The following AGPAT5 variants were observed in gnomAD, a reference collection of about 807,000 sequenced individuals.
AGPAT5 encodes the protein 1-acyl-sn-glycerol-3-phosphate acyltransferase epsilon.
A neutral mutation model predicts 45.6 loss-of-function variants in AGPAT5; 46 were observed. The observed-to-expected ratio is 1.01, with a 90% CI of 0.80 to 1.29. The LOEUF is 1.29. Ranked by LOEUF, AGPAT5 falls within the 50% of genes most tolerant of loss-of-function variation. AGPAT5 has a pLI of 0.00. For missense variants in AGPAT5, 673 were observed against 450.7 expected, an observed-to-expected ratio of 1.49 and a Z score of -4.47; for synonymous variants, 272 against 167.0, an observed-to-expected ratio of 1.63 and a Z score of -4.85.
intron 1 of AGPAT5, among the ~76,000 whole-genome samples, chr8:6,716,049 C>G (rs1481992059): frequency 2.0e-5 from 3 of 152,162 alleles, no homozygotes; most frequent in Admixed American, 1.3e-4. Flanking sequence ...CCGCTCCTCT[C>G]TGGAATTCCA....
At chr8:6,756,609 CAAAAAAAA>C (rs11300826) in intron 7 of AGPAT5, among the ~76,000 whole-genome samples, 2 of 122,922 alleles carry the variant, frequency 1.6e-5, no homozygotes, top group Non-Finnish European at 3.5e-5. Flanking sequence ...TGCCTTTTTT[CAAAAAAAA>C]AAAAAAAAAA....
chr8:6,712,538 T>G (rs926909723), intron 1 of AGPAT5, among the ~76,000 whole-genome samples: 5 of 152,178 alleles, frequency 3.3e-5, no homozygotes, highest in African/African-American at 1.2e-4. Flanking sequence ...TGTGGAATGC[T>G]TAGAGACTCA....
Position 6,730,718 on chromosome 8 carries a change from G to T in AGPAT5, c.297G>T (p.Trp99Cys). 6.2e-7 allele frequency: 1 copy of T among 1,612,776 alleles called. No individual in the cohort carries two copies. ...YLANHQSTVD[W>C]IVADILAIRQ... ...TGGGTCCTGTCTCTGCAGTTGACTG[G>T]ATTGTTGCTGACATCTTGGCCATCA... is the stretch of plus-strand genomic sequence containing the variant. Residue 99 changes from tryptophan to cysteine, a missense_variant, in exon 3 of 8, where the codon TGG becomes TGT. Physicochemically the swap from Trp to Cys is radical, Grantham distance 215. Transcript: ENST00000285518.
chr8:6,729,334 T>C (rs1800787719), intron 2 of AGPAT5, among the ~76,000 whole-genome samples: 1 of 135,706 alleles, frequency 7.4e-6, no homozygotes, highest in Admixed American at 8.3e-5. Context: ...TCAGCTTTTA[T>C]TTTCTACAGA....
intron 1 of AGPAT5, among the ~76,000 whole-genome samples, chr8:6,711,736 G>A (rs1365724923): frequency 6.6e-6 from 1 of 152,166 alleles, no homozygotes; most frequent in Non-Finnish European, 1.5e-5. Flanking sequence ...GCCCTAGGGG[G>A]AATCCGTTCT....
intron 1 of AGPAT5, among the ~76,000 whole-genome samples, chr8:6,723,447 C>T (rs978676413): frequency 2.6e-5 from 4 of 152,096 alleles, no homozygotes; most frequent in Admixed American, 1.3e-4. Context: ...CTGCCCCTAC[C>T]GACCCCGCCC....
intron 1 of AGPAT5, among the ~76,000 whole-genome samples, chr8:6,721,940 G>C (rs893478975): frequency 7.2e-5 from 11 of 152,074 alleles, no homozygotes; most frequent in African/African-American, 2.4e-4. Context: ...CGATTCTTCT[G>C]CTTGAGATTC....
intron 4 of AGPAT5, among the ~76,000 whole-genome samples, chr8:6,734,452 G>GT (rs1563294318): frequency 6.6e-6 from 1 of 151,906 alleles, no homozygotes; most frequent in African/African-American, 2.4e-5. Flanking sequence ...CTTTGACCCT[G>GT]TTTCATAGTT....
chr8:6,754,355 A>G lies in AGPAT5; in HGVS notation c.746-696A>G, dbSNP rs554324311. 3.3e-5 allele frequency among the ~76,000 whole-genome samples: 5 copies of G among 152,334 alleles called. No homozygotes were observed. The East Asian group carries it at 9.6e-4, about 29-fold the overall frequency. On this transcript the variant is annotated intron_variant, in intron 6 of 7. Transcript: ENST00000285518. ...TAATTTTGGTTCTTTTACCAATTATATAATATGTTAAAATATGGCAAGTAT... is the reference window on the plus strand; with the variant it reads ...TAATTTTGGTTCTTTTACCAATTATGTAATATGTTAAAATATGGCAAGTAT...
rs951455720 is a variant in AGPAT5 at position 6,725,508 on chromosome 8, T to G, written c.289+569T>G. Among the ~76,000 whole-genome samples the G allele has an allele frequency of 2.0e-5, 3 of 152,200 alleles. No individual in the cohort carries two copies. In the South Asian group the frequency reaches 6.2e-4, roughly 31 times the overall value. ...AAGATACTTCTAAAAACCTTTGTAT[T>G]TTGAGGTAATTCTAGAGTCCCAAGA... On this transcript the variant is annotated intron_variant, in intron 2 of 7. Coordinates refer to ENST00000285518, the MANE Select transcript of AGPAT5 (RefSeq NM_018361.5).
In AGPAT5 at chr8:6,708,877, C is replaced by T. The variant is rs1800032761; in HGVS notation, c.209C>T (p.Thr70Ile). The T allele has an allele frequency of 1.9e-6, 3 of 1,605,330 alleles. No individual in the cohort carries two copies. Among genetic ancestry groups the T allele is most frequent in the Non-Finnish European group, 2.5e-6 (3 of 1,176,580 alleles). Residue 70 changes from threonine to isoleucine, a missense_variant, in exon 1 of 8, where the codon ACC becomes ATC. Thr to Ile is a moderately conservative substitution (Grantham distance 89). Transcript: ENST00000285518. The part of the protein sequence containing the change: ...SMVLFFFENY[T>I]GVQILLYGDL... The stretch of plus-strand genomic sequence containing the variant: ...GTGCTCTTCTTCTTCGAGAATTACA[C>T]CGGGGTCCAGGTGAGCCGCCTCCCG...
At chr8:6,735,427 C>G (rs1443880319) in intron 4 of AGPAT5, among the ~76,000 whole-genome samples, 1 of 152,204 alleles carries the variant, frequency 6.6e-6, no homozygotes, top group African/African-American at 2.4e-5. Context: ...AAATGTGCTG[C>G]ATTCTCCTTG....
At chr8:6,727,793 T>C (rs1800737197) in intron 2 of AGPAT5, among the ~76,000 whole-genome samples, 1 of 152,208 alleles carries the variant, frequency 6.6e-6, no homozygotes, top group South Asian at 2.1e-4. Context: ...GGATGGACTT[T>C]GGAGTTAGAG....
At chr8:6,713,210 T>C (rs942833728) in intron 1 of AGPAT5, among the ~76,000 whole-genome samples, 2 of 152,226 alleles carry the variant, frequency 1.3e-5, no homozygotes, top group Non-Finnish European at 2.9e-5. Context: ...CCTCAGGTGA[T>C]CCTTCTGCCT....
chr8:6,726,280 G>A (rs151045272), intron 2 of AGPAT5, among the ~76,000 whole-genome samples: 27 of 152,294 alleles, frequency 1.8e-4, no homozygotes, highest in Non-Finnish European at 2.9e-4. Context: ...CAAACAAAAG[G>A]GATCTGTGGG....
chr8:6,741,640 A>C lies in AGPAT5; in HGVS notation c.496-21A>C, dbSNP rs144815183. ...AACAAAGCTCACACAAAATAAACCA[A>C]ATTTGCTCTATGTCCCACAGATGTA... On this transcript the variant is annotated intron_variant, in intron 4 of 7. Transcript: ENST00000285518. 1.5e-5 allele frequency: 24 copies of C among 1,554,872 alleles called. No individual in the cohort carries two copies. The African/African-American group carries it at 2.8e-4, about 18-fold the overall frequency.
chr8:6,716,731 G>T (rs1800344094), intron 1 of AGPAT5, among the ~76,000 whole-genome samples: 1 of 152,166 alleles, frequency 6.6e-6, no homozygotes, highest in African/African-American at 2.4e-5. Context: ...TACATGGGAG[G>T]CTGAGGCAGG....
intron 1 of AGPAT5, among the ~76,000 whole-genome samples, chr8:6,724,039 C>A (rs1800595030): frequency 6.6e-6 from 1 of 152,114 alleles, no homozygotes; most frequent in South Asian, 2.1e-4. Context: ...AAGTATACTC[C>A]CAGTTTCTTG....
At chr8:6,745,616 C>G (rs1031486702) in intron 5 of AGPAT5, 1 of 152,120 alleles carries the variant, frequency 6.6e-6, no homozygotes, top group Non-Finnish European at 1.5e-5. Context: ...ATATCACCTC[C>G]TCTTCCTTTA....
Sources: allele counts gnomAD v4.1 joint callset (sites outside exome capture counted in the v4.1 genomes callset), GRCh38; gene constraint gnomAD v4.1.1; transcripts MANE v1.5; gene names NCBI Gene and HGNC (gene_info 2026-07-23, HGNC 2026-07-21).